The following ROBO2 variants were observed in gnomAD, a reference collection of about 807,000 sequenced individuals.
The protein encoded by ROBO2 is roundabout guidance receptor 2, also known as roundabout homolog 2.
Under a neutral mutation model 160.8 loss-of-function variants are expected in ROBO2, and 53 were observed. The observed-to-expected ratio is 0.33, with a 90% confidence interval of 0.26 to 0.41. The LOEUF (loss-of-function observed/expected upper bound fraction) is 0.41. ROBO2 is among the 10% of genes least tolerant of loss of function. The probability of loss-of-function intolerance (pLI) is 1.00; values close to 1 mark genes in which losing one functional copy is unlikely to be tolerated. For synonymous variants in ROBO2, 664 were observed against 611.7 expected (o/e 1.09, Z -1.26); for missense variants, 1,577 against 1,722.4 (o/e 0.92, Z 1.49).
chr3:76,259,575 G>C (rs989006081), intron 2 of ROBO2, among the ~76,000 whole-genome samples: 1 of 152,170 alleles, frequency 6.6e-6, no homozygotes, highest in Non-Finnish European at 1.5e-5. Flanking sequence ...TGCCTAGAAA[G>C]TTAGAGATAG....
intron 2 of ROBO2, among the ~76,000 whole-genome samples, chr3:76,252,871 G>C (rs1039716831): frequency 6.6e-6 from 1 of 151,592 alleles, no homozygotes; most frequent in Non-Finnish European, 1.5e-5. Flanking sequence ...TAGCCTCTAG[G>C]GGAGGCCTAC....
intron 2 of ROBO2, among the ~76,000 whole-genome samples, chr3:76,670,378 A>G (rs2092221258): frequency 6.6e-6 from 1 of 151,970 alleles, no homozygotes; most frequent in African/African-American, 2.4e-5. Flanking sequence ...GTTTTGCCAG[A>G]AAAAGGTCAA....
At position 76,365,992 on chromosome 3, in the gene ROBO2, C is replaced by T. The variant is rs564384503; in HGVS notation, c.109+428390C>T. ...GCCTTCTAGGTCTCTGCCCTCATCA[C>T]CTTCCTCTCCCTTGGTTCATCTGTT... On this transcript the variant is annotated intron_variant, in intron 2 of 26. Coordinates refer to the ROBO2 transcript ENST00000487694. 6.8e-4 allele frequency among the ~76,000 whole-genome samples: 103 copies of T among 152,130 alleles called. 1 individual carries two copies. The South Asian group carries it at 0.02, about 29-fold the overall frequency.
chr3:77,408,771 A>T (rs1295672464), intron 2 of ROBO2, among the ~76,000 whole-genome samples: 1 of 151,914 alleles, frequency 6.6e-6, no homozygotes, highest in Non-Finnish European at 1.5e-5. Flanking sequence ...CACAGTCTGG[A>T]TTGCAGTGGC....
At chr3:76,481,572 T>G (rs1236653698) in intron 2 of ROBO2, among the ~76,000 whole-genome samples, 2 of 152,192 alleles carry the variant, frequency 1.3e-5, no homozygotes, top group African/African-American at 4.8e-5. Context: ...TATACCACTG[T>G]AGCTATGCGG....
intron 2 of ROBO2, among the ~76,000 whole-genome samples, chr3:76,963,202 T>C (rs1338121281): frequency 6.6e-6 from 1 of 152,190 alleles, no homozygotes; most frequent in Non-Finnish European, 1.5e-5. Context: ...AGCTAAGTGA[T>C]CATAAATTAT....
chr3:76,178,150 A>G (rs893022478), intron 2 of ROBO2, among the ~76,000 whole-genome samples: 1 of 152,184 alleles, frequency 6.6e-6, no homozygotes, highest in African/African-American at 2.4e-5. Context: ...AGTTAATATT[A>G]TAGACTTTTT....
chr3:76,613,096 T>C (rs2088269596), intron 2 of ROBO2, among the ~76,000 whole-genome samples: 1 of 152,180 alleles, frequency 6.6e-6, no homozygotes, highest in South Asian at 2.1e-4. Context: ...ATTTAGTCCA[T>C]AGATATTCAA....
intron 2 of ROBO2, among the ~76,000 whole-genome samples, chr3:76,297,653 T>C (rs1291747828): frequency 6.9e-6 from 1 of 144,060 alleles, no homozygotes; most frequent in Non-Finnish European, 1.5e-5. Context: ...GGAATTGTAT[T>C]TCAAGAAAAA....
At chr3:76,781,130 C>A (rs1168645758) in intron 2 of ROBO2, among the ~76,000 whole-genome samples, 1 of 150,442 alleles carries the variant, frequency 6.6e-6, no homozygotes, top group African/African-American at 2.4e-5. Context: ...GCTCTCTTAC[C>A]TCCTTGGTTA....
At chr3:77,646,032 C>G (rs764232878) in intron 25 of ROBO2, 22 bp from the exon 28 acceptor site, 1 of 1,565,518 alleles carries the variant, frequency 6.4e-7, no homozygotes, top group Non-Finnish European at 8.7e-7. Context: ...TATTTTATTT[C>G]TACTTTTTTC....
At chr3:76,355,347 T>C (rs1413688748) in intron 2 of ROBO2, among the ~76,000 whole-genome samples, 1 of 151,788 alleles carries the variant, frequency 6.6e-6, no homozygotes, top group African/African-American at 2.4e-5. Flanking sequence ...AATTCTATTA[T>C]TATTATTTCA....
At chr3:76,978,460 T>C (rs2059916770) in intron 2 of ROBO2, among the ~76,000 whole-genome samples, 1 of 152,142 alleles carries the variant, frequency 6.6e-6, no homozygotes. Flanking sequence ...AGGAATATAT[T>C]TGAGTGTCTT....
chr3:76,273,117 AT>A (rs2107641243), intron 2 of ROBO2, among the ~76,000 whole-genome samples: 1 of 9,062 alleles, frequency 1.1e-4, no homozygotes, highest in Admixed American at 1.2e-3. Context: ...ACACACACAT[AT>A]AAATATATAT....
intron 2 of ROBO2, among the ~76,000 whole-genome samples, chr3:76,448,842 C>T (rs551042174): frequency 1.7e-4 from 26 of 152,056 alleles, no homozygotes; most frequent in Non-Finnish European, 3.1e-4. Context: ...AAAGTACCCA[C>T]GGTTGTGCTA....
intron 2 of ROBO2, among the ~76,000 whole-genome samples, chr3:77,406,223 T>C (rs572627585): frequency 2.0e-5 from 3 of 152,262 alleles, no homozygotes; most frequent in African/African-American, 7.2e-5. Context: ...ACTCACTCAC[T>C]GTCATGAGAC....
chr3:76,996,584 G>A (rs1363674010), intron 2 of ROBO2, among the ~76,000 whole-genome samples: 1 of 150,580 alleles, frequency 6.6e-6, no homozygotes, highest in Non-Finnish European at 1.5e-5. Context: ...CTACCCCTGA[G>A]CATGGAATGT....
At chr3:76,591,146 A>G (rs1262342780) in intron 2 of ROBO2, among the ~76,000 whole-genome samples, 3 of 152,148 alleles carry the variant, frequency 2.0e-5, no homozygotes, top group Admixed American at 1.3e-4. Flanking sequence ...ACAGTGAATT[A>G]GCACATATTT....
At chr3:75,967,107 G>T (rs897383192) in intron 2 of ROBO2, among the ~76,000 whole-genome samples, 7 of 151,628 alleles carry the variant, frequency 4.6e-5, no homozygotes, top group African/African-American at 1.7e-4. Flanking sequence ...AAGATAATGT[G>T]CTGATTTTTC....
Sources: gnomAD v4.1 joint callset for allele counts (sites outside exome capture counted in the v4.1 genomes callset) on GRCh38, gnomAD v4.1.1 for gene constraint, MANE v1.5 for transcripts, NCBI Gene and HGNC (gene_info 2026-07-23, HGNC 2026-07-21) for gene names.